Variants in CTNNA3 observed in about 807,000 individuals in gnomAD.
CTNNA3 encodes the protein catenin alpha-3.
A neutral mutation model predicts 95.7 loss-of-function variants in CTNNA3; 76 were observed. The observed-to-expected ratio is 0.79, with a 90% confidence interval of 0.66 to 0.96. CTNNA3 has a LOEUF of 0.96. Among genes scored for constraint, CTNNA3 ranks in the 40% least tolerant of loss-of-function variants. The pLI is 0.00. For missense variants in CTNNA3, 1,191 were observed against 1,089.8 expected, an observed-to-expected ratio of 1.09 and a Z score of -1.31; for synonymous variants, 431 against 374.4, an observed-to-expected ratio of 1.15 and a Z score of -1.74.
intron 5 of CTNNA3, among the ~76,000 whole-genome samples, chr10:67,387,279 G>A (rs891807668): frequency 3.3e-5 from 5 of 152,136 alleles, no homozygotes. Flanking sequence ...CCCTTTCCGA[G>A]TCAAAGAAAG....
At chr10:67,558,529 A>C (rs1000776085) in intron 3 of CTNNA3, among the ~76,000 whole-genome samples, 5 of 152,262 alleles carry the variant, frequency 3.3e-5, no homozygotes, top group African/African-American at 1.2e-4. Context: ...GAATAGGAAC[A>C]GCGCCGGTCT....
In CTNNA3 at chr10:67,355,761, G is replaced by A. The variant is rs114853809; in HGVS notation, c.580-135891C>T. ...ACAAAGCTATCATCGTTTTCAAACC[G>A]TTTAAAAATGTTGATTACTTCACCT... On this transcript the variant is annotated intron_variant, in intron 5 of 17. Coordinates refer to ENST00000433211, the MANE Select transcript of CTNNA3 (RefSeq NM_013266.4). Among the ~76,000 whole-genome samples, 1,213 of 152,068 alleles carry A rather than the reference G, an allele frequency of 8.0e-3. 26 individuals carry two copies. Among genetic ancestry groups the A allele is most frequent in the African/African-American group, 0.028 (1,143 of 41,494 alleles).
At chr10:67,365,446 T>C (rs992663816) in intron 5 of CTNNA3, among the ~76,000 whole-genome samples, 2 of 151,916 alleles carry the variant, frequency 1.3e-5, no homozygotes, top group African/African-American at 4.8e-5. Flanking sequence ...GCAACCCACA[T>C]AAAGGGAGAA....
chr10:67,092,849 C>T (rs184356415), intron 7 of CTNNA3, among the ~76,000 whole-genome samples: 25 of 152,122 alleles, frequency 1.6e-4, no homozygotes, highest in African/African-American at 5.5e-4. Context: ...TGTCAAGACA[C>T]TACTAGTGTA....
chr10:67,545,542 G>A (rs1197751658), intron 3 of CTNNA3, among the ~76,000 whole-genome samples: 2 of 151,970 alleles, frequency 1.3e-5, no homozygotes, highest in African/African-American at 4.8e-5. Context: ...TAATGCTTTA[G>A]AGACATTCAG....
chr10:67,097,535 T>G, intron 7 of CTNNA3: 1 of 1,519,810 alleles, frequency 6.6e-7, no homozygotes, highest in South Asian at 1.1e-5. Flanking sequence ...ATCTTTCCCC[T>G]AAAGTTGTCC....
chr10:66,665,550 T>A (rs1846421774), intron 9 of CTNNA3, among the ~76,000 whole-genome samples: 1 of 152,194 alleles, frequency 6.6e-6, no homozygotes, highest in African/African-American at 2.4e-5. Context: ...TATCTGAGAA[T>A]CTTTACCCAA....
chr10:66,173,368 T>C (rs1346479173), intron 13 of CTNNA3, among the ~76,000 whole-genome samples: 4 of 152,142 alleles, frequency 2.6e-5, no homozygotes, highest in African/African-American at 9.7e-5. Flanking sequence ...TCGAATGTTC[T>C]AGGTGATCAA....
At chr10:67,286,379 C>A (rs1839605056) in intron 5 of CTNNA3, among the ~76,000 whole-genome samples, 2 of 152,210 alleles carry the variant, frequency 1.3e-5, no homozygotes, top group Admixed American at 6.5e-5. Flanking sequence ...AATCCCAGTT[C>A]TGTCATTTAC....
intron 5 of CTNNA3, among the ~76,000 whole-genome samples, chr10:67,248,034 T>C (rs1190560154): frequency 6.6e-6 from 1 of 152,186 alleles, no homozygotes; most frequent in East Asian, 1.9e-4. Flanking sequence ...AGGATACTCT[T>C]TTCAGGCCTC....
intron 5 of CTNNA3, among the ~76,000 whole-genome samples, chr10:67,500,026 G>A (rs1334178147): frequency 1.3e-5 from 2 of 151,760 alleles, no homozygotes; most frequent in African/African-American, 4.8e-5. Context: ...GTGACGTTAG[G>A]GTGTCAATTT....
rs549791189 is a variant in CTNNA3, at chr10:67,629,158, T to TA, written c.99+18256dup. 8.8e-3 allele frequency among the ~76,000 whole-genome samples: 1,318 copies of TA among 149,238 alleles called. 11 individuals are homozygous for TA. The highest frequency in any genetic ancestry group is 0.016 in the Admixed American group (243 of 14,922). On this transcript the variant is annotated intron_variant, in intron 2 of 17. Transcript: ENST00000433211. The stretch of plus-strand genomic sequence containing the variant: ...ATTTTTATGTTTTGTTCTCCAGAGT[T>TA]AAAAAAAAAACAACAACTTTTTAAA...
chr10:66,814,997 G>A (rs1397793171), intron 7 of CTNNA3, among the ~76,000 whole-genome samples: 2 of 151,612 alleles, frequency 1.3e-5, no homozygotes, highest in Non-Finnish European at 2.9e-5. Flanking sequence ...GACTACAGGC[G>A]CCTGCCACCA....
At chr10:65,986,868 A>G (rs1046725895) in intron 16 of CTNNA3, among the ~76,000 whole-genome samples, 7 of 151,770 alleles carry the variant, frequency 4.6e-5, no homozygotes, top group Admixed American at 1.3e-4. Context: ...AAAAAACCAC[A>G]TAGACCACTG....
intron 5 of CTNNA3, among the ~76,000 whole-genome samples, chr10:67,405,478 T>C (rs1053991730): frequency 6.6e-6 from 1 of 152,162 alleles, no homozygotes; most frequent in Non-Finnish European, 1.5e-5. Context: ...AAGGGTTCAA[T>C]TCAACAAGAA....
chr10:67,443,551 G>C (rs181000554), intron 5 of CTNNA3, among the ~76,000 whole-genome samples: 41 of 152,162 alleles, frequency 2.7e-4, no homozygotes, highest in Admixed American at 2.7e-3. Context: ...GGCCAGTGAT[G>C]ATGAGCATTT....
At chr10:67,053,704 C>A (rs145147467) in intron 7 of CTNNA3, among the ~76,000 whole-genome samples, 191 of 151,874 alleles carry the variant, frequency 1.3e-3, no homozygotes, top group Middle Eastern at 3.4e-3. Context: ...AGAGCAAAAA[C>A]AAATGAAAAA....
At chr10:67,676,326 G>C (rs1377292081) in intron 1 of CTNNA3, among the ~76,000 whole-genome samples, 3 of 151,934 alleles carry the variant, frequency 2.0e-5, no homozygotes, top group Non-Finnish European at 4.4e-5. Flanking sequence ...TCATGCCACT[G>C]GAAAAGGAAA....
intron 11 of CTNNA3, among the ~76,000 whole-genome samples, chr10:66,384,487 T>C (rs1353337082): frequency 2.0e-5 from 3 of 152,076 alleles, no homozygotes; most frequent in African/African-American, 4.8e-5. Flanking sequence ...CATACAATAA[T>C]AATGGGAGAC....
Sources: allele counts gnomAD v4.1 joint callset (sites outside exome capture counted in the v4.1 genomes callset), GRCh38; gene constraint gnomAD v4.1.1; transcripts MANE v1.5; gene names NCBI Gene and HGNC (gene_info 2026-07-23, HGNC 2026-07-21).